CSMD1: variants seen among roughly 807,000 people sequenced by gnomAD.
The protein encoded by CSMD1 is CUB and Sushi multiple domains 1.
Under a neutral mutation model 417.5 loss-of-function variants are expected in CSMD1, and 213 were observed. That is an observed-to-expected ratio of 0.51 (90% CI 0.46 to 0.57). The LOEUF (loss-of-function observed/expected upper bound fraction) is 0.57. Among genes scored for constraint, CSMD1 ranks in the 20% least tolerant of loss-of-function variants. CSMD1 has a pLI of 0.00. For missense variants in CSMD1, 6,923 were observed against 4,529.7 expected (o/e 1.53, Z -15.17); for synonymous variants, 2,862 against 1,736.8 (o/e 1.65, Z -16.11).
intron 2 of CSMD1, among the ~76,000 whole-genome samples, chr8:4,592,705 T>G (rs1051395122): frequency 6.6e-6 from 1 of 152,188 alleles, no homozygotes; most frequent in Non-Finnish European, 1.5e-5. Flanking sequence ...TTATTTTTGA[T>G]GACATTTATA....
intron 3 of CSMD1, among the ~76,000 whole-genome samples, chr8:4,173,699 C>A (rs1390593690): frequency 6.6e-6 from 1 of 151,982 alleles, no homozygotes; most frequent in African/African-American, 2.4e-5. Flanking sequence ...CTGAATTACT[C>A]AAATAATTCA....
chr8:3,724,560 AC>A lies in CSMD1; in HGVS notation c.932-16070del, dbSNP rs542308924. On this transcript the variant is annotated intron_variant, in intron 6 of 69. Coordinates refer to ENST00000635120, the MANE Select transcript of CSMD1 (RefSeq NM_033225.6). ...GGTCCTAAGGCTGAATGATCTGAGC[AC>A]CCTTCCTCTGGGCTGGGAGAGGAAT... Among the ~76,000 whole-genome samples, 3 of 152,132 alleles carry A rather than the reference AC, an allele frequency of 2.0e-5. No individual in the cohort carries two copies. The South Asian group carries it at 6.2e-4, about 32-fold the overall frequency.
chr8:4,960,153 C>A (rs1809382883), intron 1 of CSMD1, among the ~76,000 whole-genome samples: 1 of 152,016 alleles, frequency 6.6e-6, no homozygotes, highest in Admixed American at 6.6e-5. Flanking sequence ...ATGTACTAGA[C>A]CCACAAAACT....
intron 5 of CSMD1, among the ~76,000 whole-genome samples, chr8:3,759,619 C>T (rs932942351): frequency 2.6e-5 from 4 of 151,712 alleles, no homozygotes; most frequent in Admixed American, 2.6e-4. Flanking sequence ...GGGTGCCAGG[C>T]ACAGTGGCTC....
chr8:4,525,042 T>C (rs1044214265), intron 2 of CSMD1, among the ~76,000 whole-genome samples: 3 of 152,156 alleles, frequency 2.0e-5, no homozygotes, highest in Non-Finnish European at 4.4e-5. Flanking sequence ...ACATTCAATA[T>C]TTTCTGTTAA....
intron 7 of CSMD1, among the ~76,000 whole-genome samples, chr8:3,639,449 G>C (rs1038499594): frequency 6.6e-6 from 1 of 152,112 alleles, no homozygotes; most frequent in East Asian, 1.9e-4. Context: ...TGATAAATCA[G>C]TCTATGACCT....
rs1340561102 is a variant in CSMD1 at position 3,242,237 on chromosome 8, T to G, written c.4154-12006A>C. 4.0e-5 allele frequency among the ~76,000 whole-genome samples: 6 copies of G among 151,516 alleles called. No homozygotes were observed. The East Asian group carries it at 1.2e-3, about 29-fold the overall frequency. On this transcript the variant is annotated intron_variant, in intron 26 of 69. Transcript: ENST00000635120. ...TGAGGAGGGGAGGTGATAAAAGGATTATAGAGTGGAGGAACGGAGGCTGAG... is the reference window on the plus strand; with the variant it reads ...TGAGGAGGGGAGGTGATAAAAGGATGATAGAGTGGAGGAACGGAGGCTGAG...
chr8:4,196,028 A>C (rs972375651), intron 3 of CSMD1, among the ~76,000 whole-genome samples: 1 of 151,938 alleles, frequency 6.6e-6, no homozygotes, highest in African/African-American at 2.4e-5. Context: ...TGGCTAACAC[A>C]GTGAAACCTC....
intron 5 of CSMD1, among the ~76,000 whole-genome samples, chr8:3,772,593 A>G (rs898837316): frequency 2.9e-5 from 4 of 136,272 alleles, no homozygotes; most frequent in Non-Finnish European, 3.0e-5. Flanking sequence ...ATATTTATAT[A>G]CATATATACA....
At chr8:3,239,693 C>T (rs1165614671) in intron 26 of CSMD1, among the ~76,000 whole-genome samples, 1 of 152,158 alleles carries the variant, frequency 6.6e-6, no homozygotes, top group Non-Finnish European at 1.5e-5. Context: ...GGGCTAGTGG[C>T]TAGTACTATA....
At chr8:3,216,625 G>C (rs1797895605) in intron 29 of CSMD1, among the ~76,000 whole-genome samples, 1 of 152,072 alleles carries the variant, frequency 6.6e-6, no homozygotes, top group Non-Finnish European at 1.5e-5. Flanking sequence ...TTACTGACTT[G>C]TCACTTCAGG....
intron 5 of CSMD1, among the ~76,000 whole-genome samples, chr8:3,937,957 C>T (rs1193516153): frequency 1.3e-5 from 2 of 152,038 alleles, no homozygotes; most frequent in Non-Finnish European, 2.9e-5. Flanking sequence ...TACTAACTTA[C>T]GGTGACCATA....
intron 1 of CSMD1, among the ~76,000 whole-genome samples, chr8:4,813,605 C>T (rs1799034891): frequency 6.6e-6 from 1 of 152,310 alleles, no homozygotes; most frequent in African/African-American, 2.4e-5. Context: ...TGGCAAACAT[C>T]TTTGCCATGT....
rs1380713690 is a variant in CSMD1, at chr8:3,308,063, CTAA to C, written c.3824-245_3824-243del. Among the ~76,000 whole-genome samples, 4 of 51,230 alleles carry C rather than the reference CTAA, an allele frequency of 7.8e-5. No homozygotes were observed. The East Asian group carries it at 1.2e-3, about 16-fold the overall frequency. 33.6% of individuals were successfully genotyped at this position (51,230 alleles called of 152,430 possible). On this transcript the variant is annotated intron_variant, in intron 24 of 69. Transcript: ENST00000635120. ...GCAATAAGACACTCATGTGATAATT[CTAA>C]TAATATGTGATAATTCTAATAATAA... is the stretch of plus-strand genomic sequence containing the variant.
In CSMD1 at chr8:3,495,649, C is replaced by T. The variant is rs78567472; in HGVS notation, c.1345-1923G>A. 4.4e-3 allele frequency among the ~76,000 whole-genome samples: 667 copies of T among 152,248 alleles called. 7 individuals carry two copies. The highest frequency in any genetic ancestry group is 0.015 in the African/African-American group (630 of 41,546). On this transcript the variant is annotated intron_variant, in intron 10 of 69. Coordinates refer to ENST00000635120, the MANE Select transcript of CSMD1 (RefSeq NM_033225.6). Reference sequence around the variant, plus strand: ...TTTTAGTTTGTCATATGGCATTTTACAAATATATGCAGCTGTAAAATAGAA... The same window carrying T: ...TTTTAGTTTGTCATATGGCATTTTATAAATATATGCAGCTGTAAAATAGAA...
chr8:3,960,507 G>C (rs988377993), intron 5 of CSMD1, among the ~76,000 whole-genome samples: 1 of 152,094 alleles, frequency 6.6e-6, no homozygotes, highest in Non-Finnish European at 1.5e-5. Flanking sequence ...TAAATATTGA[G>C]AAAATTTAAA....
intron 5 of CSMD1, among the ~76,000 whole-genome samples, chr8:3,810,720 T>C (rs1272658307): frequency 6.6e-6 from 1 of 152,202 alleles, no homozygotes; most frequent in Non-Finnish European, 1.5e-5. Flanking sequence ...AACATTGAAT[T>C]TGTTATGAAA....
chr8:3,195,714 C>T (rs1043224500), intron 33 of CSMD1, among the ~76,000 whole-genome samples: 17 of 152,106 alleles, frequency 1.1e-4, no homozygotes, highest in African/African-American at 3.9e-4. Flanking sequence ...TGTGAACACT[C>T]GAGGAATTCC....
intron 15 of CSMD1, among the ~76,000 whole-genome samples, chr8:3,402,479 T>G (rs981621784): frequency 2.6e-5 from 4 of 152,186 alleles, no homozygotes; most frequent in Non-Finnish European, 5.9e-5. Flanking sequence ...ACGAGCCTGT[T>G]AGAAGCAGAA....
Sources: allele counts gnomAD v4.1 joint callset (sites outside exome capture counted in the v4.1 genomes callset), GRCh38; gene constraint gnomAD v4.1.1; transcripts MANE v1.5; gene names NCBI Gene and HGNC (gene_info 2026-07-23, HGNC 2026-07-21).